Variants in JCAD observed in about 807,000 individuals in gnomAD.
JCAD encodes the protein junctional cadherin 5 associated, also known as junctional cadherin 5-associated protein.
In JCAD, 40 loss-of-function variants were observed where a neutral mutation model predicts 98.0. The ratio of observed to expected loss-of-function variants is 0.41; its 90% confidence interval spans 0.32 to 0.53. The LOEUF (loss-of-function observed/expected upper bound fraction) is 0.53, where lower values mean the gene tolerates loss of function less well. Ranked by LOEUF, JCAD falls within the 20% of genes least tolerant of loss-of-function variation. The probability of loss-of-function intolerance (pLI) is 0.31; values close to 1 mark genes in which losing one functional copy is unlikely to be tolerated. For synonymous variants in JCAD, 691 were observed against 682.3 expected, an observed-to-expected ratio of 1.01 and a Z score of -0.20; for missense variants, 1,705 against 1,738.1, an observed-to-expected ratio of 0.98 and a Z score of 0.34.
At chr10:30,046,577 C>T (rs1226225728) in intron 2 of JCAD, among the ~76,000 whole-genome samples, 4 of 152,214 alleles carry the variant, frequency 2.6e-5, no homozygotes, top group Non-Finnish European at 4.4e-5. Flanking sequence ...GCCAAATATA[C>T]TGTGAATGGG....
At chr10:30,048,741 A>AT (rs765039945) in intron 1 of JCAD, among the ~76,000 whole-genome samples, 1 of 151,378 alleles carries the variant, frequency 6.6e-6, no homozygotes, top group African/African-American at 2.4e-5. Context: ...AATTTTTTGT[A>AT]TTTTTTTGCA....
chr10:30,104,260 TCAGTAG>T (rs1372235447), intron 1 of JCAD, among the ~76,000 whole-genome samples: 3 of 152,136 alleles, frequency 2.0e-5, no homozygotes, highest in Non-Finnish European at 4.4e-5. Context: ...TGGATTTGAT[TCAGTAG>T]CAGGTTTTTG....
At chr10:30,110,381 C>A (rs554346116) in intron 1 of JCAD, among the ~76,000 whole-genome samples, 1 of 152,042 alleles carries the variant, frequency 6.6e-6, no homozygotes, top group Non-Finnish European at 1.5e-5. Context: ...ATGTATAGAC[C>A]AGCTGATGTG....
chr10:30,046,405 C>T (rs975719564), intron 2 of JCAD, among the ~76,000 whole-genome samples: 3 of 152,150 alleles, frequency 2.0e-5, no homozygotes, highest in Non-Finnish European at 2.9e-5. Flanking sequence ...AGATGGGATG[C>T]CCACATTAGG....
At chr10:30,020,342 A>G (rs545063432) in intron 3 of JCAD, among the ~76,000 whole-genome samples, 31 of 151,684 alleles carry the variant, frequency 2.0e-4, no homozygotes, top group South Asian at 6.2e-4. Context: ...AAAAAAAAAA[A>G]AAAAAGAAAA....
At chr10:30,061,867 A>C (rs1230472197), upstream of JCAD, among the ~76,000 whole-genome samples, 1 of 152,176 alleles carries the variant, frequency 6.6e-6, no homozygotes, top group Non-Finnish European at 1.5e-5. Flanking sequence ...CAACTCAATG[A>C]AATAACTTTG....
intron 2 of JCAD, among the ~76,000 whole-genome samples, chr10:30,031,774 A>ATTTT (rs1837002285): frequency 3.1e-5 from 1 of 32,714 alleles, no homozygotes; most frequent in Non-Finnish European, 5.3e-5. Context: ...TTTTTTTTTG[A>ATTTT]GACGGAGTCT....
At chr10:30,055,949 C>G (rs1837563762) in intron 1 of JCAD, among the ~76,000 whole-genome samples, 1 of 151,058 alleles carries the variant, frequency 6.6e-6, no homozygotes, top group Admixed American at 6.6e-5. Context: ...CATGCACTTA[C>G]ACACACTCTT....
upstream of JCAD, among the ~76,000 whole-genome samples, chr10:30,060,148 A>G (rs569066823): frequency 6.6e-6 from 1 of 152,174 alleles, no homozygotes; most frequent in East Asian, 1.9e-4. Flanking sequence ...CACCCACATA[A>G]CACATCGATA....
At chr10:30,024,177 A>G (rs1474434183) in intron 3 of JCAD, among the ~76,000 whole-genome samples, 1 of 152,150 alleles carries the variant, frequency 6.6e-6, no homozygotes, top group Admixed American at 6.6e-5. Context: ...ACAAAACAAA[A>G]CAAAAAACCT....
At chr10:30,071,242 G>A (rs917153238) in intron 1 of JCAD, among the ~76,000 whole-genome samples, 3 of 152,172 alleles carry the variant, frequency 2.0e-5, no homozygotes, top group African/African-American at 4.8e-5. Flanking sequence ...ACATTTCCTA[G>A]TTCTTCTAAT....
chr10:30,078,103 C>A (rs1419398742), intron 1 of JCAD, among the ~76,000 whole-genome samples: 1 of 152,212 alleles, frequency 6.6e-6, no homozygotes, highest in Non-Finnish European at 1.5e-5. Flanking sequence ...ACACAGCCAT[C>A]CTAATGGGTA....
chr10:30,064,124 G>A (rs1177780426), upstream of JCAD, among the ~76,000 whole-genome samples: 1 of 152,128 alleles, frequency 6.6e-6, no homozygotes, highest in Non-Finnish European at 1.5e-5. Context: ...GGATCTTTAA[G>A]AGATCATTGG....
At position 30,028,854 on chromosome 10, in the gene JCAD, G is replaced by A; in HGVS notation, c.1294C>T (p.Arg432Ter). The A allele has an allele frequency of 3.1e-6, 5 of 1,614,188 alleles. No homozygotes were observed. Among genetic ancestry groups the A allele is most frequent in the Non-Finnish European group, 4.2e-6 (5 of 1,180,032 alleles). Residue 432 changes from arginine (R) to a stop codon, truncating the protein, a stop_gained, in exon 3 of 4, where the codon CGA becomes TGA. Coordinates refer to ENST00000375377, the MANE Select transcript of JCAD (RefSeq NM_020848.4). LOFTEE classifies it high-confidence loss of function. ...QYIPFDDPRL[R>*]HFKLAQPQGF... Reference sequence around the variant, plus strand: ...TGGGGCTGAGCTAGTTTAAAATGTCGTAACCGTGGATCATCAAAGGGAATG... The same window carrying A: ...TGGGGCTGAGCTAGTTTAAAATGTCATAACCGTGGATCATCAAAGGGAATG...
At chr10:30,108,291 G>A (rs1249412035) in intron 1 of JCAD, among the ~76,000 whole-genome samples, 2 of 150,294 alleles carry the variant, frequency 1.3e-5, no homozygotes, top group African/African-American at 2.4e-5. Flanking sequence ...CAACCTGGGT[G>A]ACAAGAGCGA....
chr10:30,050,132 T>A (rs1403567833), intron 1 of JCAD, among the ~76,000 whole-genome samples: 1 of 151,024 alleles, frequency 6.6e-6, no homozygotes, highest in Non-Finnish European at 1.5e-5. Flanking sequence ...TTGGCCAACA[T>A]GGTGAGAGCC....
intron 1 of JCAD, among the ~76,000 whole-genome samples, chr10:30,113,175 G>A (rs1334374363): frequency 6.6e-6 from 1 of 152,134 alleles, no homozygotes; most frequent in East Asian, 1.9e-4. Flanking sequence ...GAATAGGAGG[G>A]TCAAAGAAAG....
intron 1 of JCAD, among the ~76,000 whole-genome samples, chr10:30,100,147 G>A (rs942000458): frequency 7.9e-5 from 12 of 152,106 alleles, no homozygotes; most frequent in African/African-American, 1.7e-4. Context: ...CTGTAAAGGC[G>A]CACCCTTCTA....
chr10:30,070,585 T>C (rs1195517427), intron 1 of JCAD, among the ~76,000 whole-genome samples: 1 of 152,234 alleles, frequency 6.6e-6, no homozygotes, highest in Non-Finnish European at 1.5e-5. Flanking sequence ...GCCTGGAATG[T>C]GTATTAGAAC....
Sources: gnomAD v4.1 joint callset for allele counts (sites outside exome capture counted in the v4.1 genomes callset) on GRCh38, gnomAD v4.1.1 for gene constraint, MANE v1.5 for transcripts, NCBI Gene and HGNC (gene_info 2026-07-23, HGNC 2026-07-21) for gene names.